The following ADCY1 variants were observed in gnomAD, a reference collection of about 807,000 sequenced individuals.
ADCY1 encodes the protein adenylate cyclase 1, also known as adenylate cyclase type 1.
A neutral mutation model predicts 105.4 loss-of-function variants in ADCY1; 28 were observed. That is an observed-to-expected ratio of 0.27 (90% CI 0.20 to 0.36). ADCY1 has a LOEUF of 0.36. Ranked by LOEUF, ADCY1 falls within the 10% of genes least tolerant of loss-of-function variation. The probability of loss-of-function intolerance (pLI) is 1.00; values close to 1 mark genes in which losing one functional copy is unlikely to be tolerated. For synonymous variants in ADCY1, 655 were observed against 623.8 expected (o/e 1.05, Z -0.75); for missense variants, 977 against 1,434.2 (o/e 0.68, Z 5.15).
intron 14 of ADCY1, among the ~76,000 whole-genome samples, chr7:45,696,356 G>A (rs941208616): frequency 1.0e-4 from 15 of 150,096 alleles, no homozygotes; most frequent in Non-Finnish European, 1.8e-4. Context: ...GGAGAATGGC[G>A]TGAACCTGGG....
At chr7:45,643,131 T>TA (rs1422407258) in intron 4 of ADCY1, among the ~76,000 whole-genome samples, 1 of 150,464 alleles carries the variant, frequency 6.6e-6, no homozygotes, top group Non-Finnish European at 1.5e-5. Flanking sequence ...TTTTTTTTTT[T>TA]AAGGTCAGTC....
chr7:45,574,741 C>T lies in ADCY1; in HGVS notation c.198C>T (p.Ala66=), dbSNP rs968647729. The part of the protein sequence containing the change: ...LEQAATLKAL[A]VLSLLAGALA... ...AGGCGGCCACGCTGAAGGCGCTGGC[C>T]GTTCTCAGCCTGCTGGCGGGCGCGC... The change falls in exon 1 of 20, where the codon GCC becomes GCT. Residue 66 remains alanine, a synonymous_variant. Coordinates refer to ENST00000297323, the MANE Select transcript of ADCY1 (RefSeq NM_021116.4). This position sits in a 1 kb window ranked among gnomAD's most constrained non-coding sequence, Gnocchi z 7.0. The T allele has an allele frequency of 7.0e-7, 1 of 1,425,672 alleles. No individual in the cohort carries two copies. Among genetic ancestry groups the T allele is most frequent in the Admixed American group, 3.3e-5 (1 of 29,854 alleles). The allele number at this position is 1,425,672 out of a possible 1,614,324, so 88.3% of individuals were successfully genotyped here. A position where few individuals can be genotyped will look rare whatever the true frequency, so the allele number is the denominator to read the frequency against.
intron 7 of ADCY1, among the ~76,000 whole-genome samples, chr7:45,661,568 C>T (rs538081867): frequency 3.9e-5 from 6 of 152,138 alleles, no homozygotes; most frequent in East Asian, 3.9e-4. Flanking sequence ...GATGTTCATC[C>T]GATTTTACAG....
chr7:45,700,219 G>T (rs550250667), intron 14 of ADCY1, among the ~76,000 whole-genome samples: 2 of 152,286 alleles, frequency 1.3e-5, no homozygotes, highest in African/African-American at 4.8e-5. Context: ...CCCAGCCAGG[G>T]TCACCCTGAA....
chr7:45,652,168 A>G (rs1339490867), intron 5 of ADCY1, among the ~76,000 whole-genome samples: 2 of 152,202 alleles, frequency 1.3e-5, no homozygotes, highest in Non-Finnish European at 2.9e-5. Flanking sequence ...GAATTCACTC[A>G]CTATCATGAG....
At chr7:45,650,903 G>A (rs1794791761) in intron 5 of ADCY1, among the ~76,000 whole-genome samples, 1 of 152,132 alleles carries the variant, frequency 6.6e-6, no homozygotes, top group African/African-American at 2.4e-5. Flanking sequence ...AACCCACCTG[G>A]CTTGCTCCAC....
At chr7:45,639,641 A>C (rs1314420137) in intron 4 of ADCY1, among the ~76,000 whole-genome samples, 1 of 152,224 alleles carries the variant, frequency 6.6e-6, no homozygotes, top group Non-Finnish European at 1.5e-5. Flanking sequence ...CCTTCTGGGA[A>C]CATTTTTTTC....
At chr7:45,587,490 G>C (rs754735561) in intron 1 of ADCY1, among the ~76,000 whole-genome samples, 1 of 152,198 alleles carries the variant, frequency 6.6e-6, no homozygotes. Context: ...CCTGATGAAG[G>C]CTTGAGAAGG....
chr7:45,574,687 G>C lies in ADCY1; in HGVS notation c.144G>C (p.Leu48=). The C allele has an allele frequency of 7.2e-7, 1 of 1,394,750 alleles. No individual in the cohort carries two copies. The highest frequency in any genetic ancestry group is 9.3e-7 in the Non-Finnish European group (1 of 1,079,350). The allele number at this position is 1,394,750 out of a possible 1,614,324, so 86.4% of individuals were successfully genotyped here. A position where few individuals can be genotyped will look rare whatever the true frequency, so the allele number is the denominator to read the frequency against. The change falls in exon 1 of 20, where the codon CTG becomes CTC. Residue 48 remains leucine (L), a synonymous_variant. Transcript: ENST00000297323. The surrounding 1 kb of genome is among the most constrained non-coding windows in gnomAD (Gnocchi z 7.0). The stretch of plus-strand genomic sequence containing the variant: ...TCGCTTGCCCAGAGCTGGAGGCGCT[G>C]TTCCGCGGCTACACGCTGCGGCTGG... ...EEFACPELEA[L]FRGYTLRLEQ...
At chr7:45,618,448 A>G (rs1315650228) in intron 3 of ADCY1, among the ~76,000 whole-genome samples, 1 of 152,236 alleles carries the variant, frequency 6.6e-6, no homozygotes, top group Non-Finnish European at 1.5e-5. Context: ...CAACAGAAGG[A>G]TAGGATAAAA....
At chr7:45,595,311 A>T (rs1437149431) in intron 2 of ADCY1, among the ~76,000 whole-genome samples, 1 of 152,178 alleles carries the variant, frequency 6.6e-6, no homozygotes, top group Non-Finnish European at 1.5e-5. Flanking sequence ...GAAAGCCCCT[A>T]GGGTGGGGCC....
chr7:45,704,313 G>A (rs920700788), intron 16 of ADCY1, among the ~76,000 whole-genome samples: 1 of 152,190 alleles, frequency 6.6e-6, no homozygotes, highest in African/African-American at 2.4e-5. Context: ...GAGCTCACCT[G>A]TTGGGGACAG....
intron 19 of ADCY1, among the ~76,000 whole-genome samples, chr7:45,713,186 A>G (rs1785297398): frequency 6.6e-6 from 1 of 152,180 alleles, no homozygotes; most frequent in South Asian, 2.1e-4. Context: ...TTGAGGTGCC[A>G]AGAGTCCTGA....
Position 45,716,852 on chromosome 7 carries a change from C to T in ADCY1, c.*2857C>T, listed in dbSNP as rs1054170067. 2 of 152,344 alleles carry T rather than the reference C, an allele frequency of 1.3e-5. No homozygotes were observed. The highest frequency in any genetic ancestry group is 2.9e-5 in the Non-Finnish European group (2 of 68,192). The allele number at this position is 152,344 out of a possible 1,614,324, so 9.4% of individuals were successfully genotyped here. A position where few individuals can be genotyped will look rare whatever the true frequency, so the allele number is the denominator to read the frequency against. On this transcript the variant is annotated 3_prime_UTR_variant, in exon 20 of 20. Transcript: ENST00000297323. ...GGAGGCAGGAGAGCCTGGAAAGATT[C>T]GAAGTGTCACAGAGATGGTGCCGTC... is the stretch of plus-strand genomic sequence containing the variant.
rs771422187 is a variant in ADCY1 at position 45,679,662 on chromosome 7, C to T, written c.1899-47C>T. 1.0e-5 allele frequency: 16 copies of T among 1,602,878 alleles called. No homozygotes were observed. In the South Asian group the frequency reaches 1.4e-4, roughly 14 times the overall value. The stretch of plus-strand genomic sequence containing the variant: ...TCTCAGCCATCTCTTGGGTCCGCCT[C>T]TCCTAATCCCCACCTATCAGTGACT... On this transcript the variant is annotated intron_variant, in intron 10 of 19. Transcript: ENST00000297323.
At chr7:45,651,309 G>A (rs1307002225) in intron 5 of ADCY1, among the ~76,000 whole-genome samples, 2 of 152,126 alleles carry the variant, frequency 1.3e-5, no homozygotes, top group African/African-American at 4.8e-5. Flanking sequence ...CTGCACGGCC[G>A]GCCTTCTGTT....
At chr7:45,599,784 G>A (rs940199481) in intron 2 of ADCY1, among the ~76,000 whole-genome samples, 1 of 152,018 alleles carries the variant, frequency 6.6e-6, no homozygotes, top group Non-Finnish European at 1.5e-5. Context: ...GTGCCACCAC[G>A]TCCAGCTAAT....
At chr7:45,661,569 G>A (rs1218838378) in intron 7 of ADCY1, among the ~76,000 whole-genome samples, 1 of 152,106 alleles carries the variant, frequency 6.6e-6, no homozygotes, top group African/African-American at 2.4e-5. Flanking sequence ...ATGTTCATCC[G>A]ATTTTACAGA....
intron 14 of ADCY1, among the ~76,000 whole-genome samples, chr7:45,691,402 G>A (rs1784784914): frequency 6.6e-6 from 1 of 152,254 alleles, no homozygotes. Context: ...TGTAGACTTT[G>A]CCTGTTTGCC....
Sources: allele counts gnomAD v4.1 joint callset (sites outside exome capture counted in the v4.1 genomes callset), GRCh38; gene constraint gnomAD v4.1.1; non-coding constraint Gnocchi (gnomAD v3.1); transcripts MANE v1.5; gene names NCBI Gene and HGNC (gene_info 2026-07-23, HGNC 2026-07-21).